MEIS2: variants seen among roughly 807,000 people sequenced by gnomAD.
The protein encoded by MEIS2 is homeobox protein Meis2.
A neutral mutation model predicts 58.6 loss-of-function variants in MEIS2; 9 were observed. The observed-to-expected ratio is 0.15, with a 90% CI of 0.09 to 0.27. The LOEUF (loss-of-function observed/expected upper bound fraction) is 0.27, where lower values mean the gene tolerates loss of function less well. Among genes scored for constraint, MEIS2 ranks in the 10% least tolerant of loss-of-function variants. The pLI is 1.00. For synonymous variants in MEIS2, 221 were observed against 228.4 expected (o/e 0.97, Z 0.29); for missense variants, 427 against 635.0 (o/e 0.67, Z 3.52).
Position 37,094,134 on chromosome 15 carries a change from A to C in MEIS2, c.489+393T>G, listed in dbSNP as rs767871038. 3.7e-5 allele frequency: 10 copies of C among 268,738 alleles called. No homozygotes were observed. The South Asian group carries it at 7.1e-4, about 19-fold the overall frequency. 16.6% of individuals were successfully genotyped at this position (268,738 alleles called of 1,614,324 possible). A position where few individuals can be genotyped will look rare whatever the true frequency, so the allele number is the denominator to read the frequency against. ...GTTTCGTATGTTTCCAGGGGAAAGT[A>C]ATTGAGCTGCAGAGCAATGTAAAGA... On this transcript the variant is annotated intron_variant, in intron 5 of 11. Transcript: ENST00000561208.
chr15:36,935,826 T>G (rs1295056466), intron 9 of MEIS2, among the ~76,000 whole-genome samples: 1 of 152,080 alleles, frequency 6.6e-6, no homozygotes, highest in Non-Finnish European at 1.5e-5. Context: ...AGTTTTAGGT[T>G]CAATTATCTA....
intron 7 of MEIS2, among the ~76,000 whole-genome samples, chr15:37,073,445 A>G (rs563653804): frequency 9.9e-5 from 15 of 152,132 alleles, no homozygotes; most frequent in African/African-American, 3.1e-4. Flanking sequence ...GCCGTTGAAG[A>G]TAAGGACCCT....
chr15:37,083,605 A>G (rs547841167), intron 7 of MEIS2, among the ~76,000 whole-genome samples, 166 bp downstream of exon 7: 51 of 152,324 alleles, frequency 3.3e-4, no homozygotes, highest in Non-Finnish European at 1.6e-4. Context: ...TTTTTTAAGG[A>G]AAGTAAGTTA....
In MEIS2 at chr15:37,095,603, T is replaced by C; in HGVS notation, c.399A>G (p.Glu133=). Residue 133 remains glutamate (E), a synonymous_variant, in exon 4 of 12, where the codon GAA becomes GAG. Coordinates refer to ENST00000561208, the MANE Select transcript of MEIS2 (RefSeq NM_170675.5). ...IAVFAKQVRA[E]KPLFSSNPEL... ...CTGGATTTGAGGAAAAAAGTGGCTT[T>C]TCGGCGCGAACCTGTAAGAAACAGA... The C allele has an allele frequency of 1.9e-6, 3 of 1,614,204 alleles. No individual in the cohort carries two copies. Among genetic ancestry groups the C allele is most frequent in the Non-Finnish European group, 2.5e-6 (3 of 1,180,042 alleles).
intron 8 of MEIS2, among the ~76,000 whole-genome samples, chr15:37,001,297 G>A (rs1347060887): frequency 6.6e-6 from 1 of 152,022 alleles, no homozygotes; most frequent in Non-Finnish European, 1.5e-5. Flanking sequence ...AGAGTCCTCA[G>A]TAACAATCTC....
intron 6 of MEIS2, among the ~76,000 whole-genome samples, chr15:37,088,730 G>A (rs1893182543): frequency 6.6e-6 from 1 of 152,108 alleles, no homozygotes; most frequent in Admixed American, 6.6e-5. Context: ...TCACAGAAGT[G>A]GCAAGCACCC....
chr15:36,908,721 C>T (rs754019532), intron 9 of MEIS2, among the ~76,000 whole-genome samples: 5 of 151,938 alleles, frequency 3.3e-5, no homozygotes, highest in Non-Finnish European at 5.9e-5. Context: ...TTTGGGAGAC[C>T]GAGGCGGGCG....
At chr15:37,019,275 T>C (rs1412768714) in intron 8 of MEIS2, among the ~76,000 whole-genome samples, 1 of 152,218 alleles carries the variant, frequency 6.6e-6, no homozygotes, top group Non-Finnish European at 1.5e-5. Flanking sequence ...AAGTATTGCA[T>C]GAGCTACTAA....
intron 8 of MEIS2, among the ~76,000 whole-genome samples, chr15:37,002,369 ACTCCCATAGCC>A (rs1250676282): frequency 6.6e-6 from 1 of 151,306 alleles, no homozygotes; most frequent in African/African-American, 2.4e-5. Context: ...CCTTCCTCCA[ACTCCCATAGCC>A]CTGTACCCAT....
intron 8 of MEIS2, among the ~76,000 whole-genome samples, chr15:36,963,379 CAAA>C (rs60924393): frequency 7.4e-5 from 9 of 121,876 alleles, no homozygotes; most frequent in Admixed American, 8.0e-5. Flanking sequence ...GACTCCATCT[CAAA>C]AAAAAAAAAA....
chr15:37,002,236 C>T (rs1456938539), intron 8 of MEIS2, among the ~76,000 whole-genome samples: 2 of 151,954 alleles, frequency 1.3e-5, no homozygotes, highest in Non-Finnish European at 2.9e-5. Context: ...TTCCCTGCAC[C>T]GTCCTGCTGG....
chr15:37,071,775 A>C (rs1890741462), intron 7 of MEIS2, among the ~76,000 whole-genome samples: 1 of 152,052 alleles, frequency 6.6e-6, no homozygotes, highest in African/African-American at 2.4e-5. Flanking sequence ...CCAACACTAG[A>C]GGCCATACCT....
chr15:37,037,492 G>A (rs1351513940), intron 7 of MEIS2, among the ~76,000 whole-genome samples: 1 of 151,772 alleles, frequency 6.6e-6, no homozygotes, highest in Non-Finnish European at 1.5e-5. Context: ...CTCGGCATTT[G>A]CATGACATGA....
intron 9 of MEIS2, among the ~76,000 whole-genome samples, chr15:36,905,493 T>C (rs2056687294): frequency 6.6e-6 from 1 of 152,132 alleles, no homozygotes; most frequent in Admixed American, 6.5e-5. Context: ...AGAATTGTAT[T>C]CATAGATGCT....
At chr15:36,944,901 G>A (rs940114020) in intron 9 of MEIS2, among the ~76,000 whole-genome samples, 12 of 151,968 alleles carry the variant, frequency 7.9e-5, no homozygotes, top group Admixed American at 2.0e-4. Context: ...TGAGATAAAA[G>A]TGTCCAGCTG....
At chr15:36,995,997 ATATATG>A (rs2060498005) in intron 8 of MEIS2, among the ~76,000 whole-genome samples, 2 of 56,802 alleles carry the variant, frequency 3.5e-5, no homozygotes, top group African/African-American at 7.6e-5. Flanking sequence ...ATATATATAT[ATATATG>A]TATATATATA....
rs1485732130 is a variant in MEIS2 at position 37,099,009 on chromosome 15, G to C, written c.12+446C>G. ...GGCGGCGCAGCGGCTGCGGCAGCGC[G>C]GCCCCAGCGGCGGCCCCGGCGGCGG... On this transcript the variant is annotated intron_variant, in intron 1 of 11. Coordinates refer to ENST00000561208, the MANE Select transcript of MEIS2 (RefSeq NM_170675.5). 4 of 983,060 alleles carry C rather than the reference G, an allele frequency of 4.1e-6. No individual in the cohort carries two copies. In the South Asian group the frequency reaches 1.8e-4, roughly 45 times the overall value. 60.9% of individuals were successfully genotyped at this position (983,060 alleles called of 1,614,324 possible).
chr15:37,083,734 T>A (rs200458123), intron 7 of MEIS2, 37 bp downstream of exon 7: 1 of 1,559,570 alleles, frequency 6.4e-7, no homozygotes, highest in Admixed American at 1.7e-5. Context: ...ATTTTAGTCA[T>A]GCCTACTTTG....
intron 8 of MEIS2, among the ~76,000 whole-genome samples, chr15:37,023,978 C>T (rs190446445): frequency 6.3e-4 from 90 of 143,768 alleles, no homozygotes; most frequent in African/African-American, 2.2e-3. Flanking sequence ...CAGTGGCACT[C>T]AGCTCACTGC....
Sources: allele counts gnomAD v4.1 joint callset (sites outside exome capture counted in the v4.1 genomes callset), GRCh38; gene constraint gnomAD v4.1.1; transcripts MANE v1.5; gene names NCBI Gene and HGNC (gene_info 2026-07-23, HGNC 2026-07-21).